Variants in ZZEF1 observed in about 807,000 individuals in gnomAD.
The protein encoded by ZZEF1 is zinc finger ZZ-type and EF-hand domain containing 1, also known as zinc finger ZZ-type and EF-hand domain-containing protein 1.
Under a neutral mutation model 342.8 loss-of-function variants are expected in ZZEF1, and 157 were observed. That is an observed-to-expected ratio of 0.46 (90% confidence interval 0.40 to 0.52). ZZEF1 has a LOEUF of 0.52. ZZEF1 is among the 20% of genes least tolerant of loss of function. ZZEF1 has a pLI of 0.00. For missense variants in ZZEF1, 3,480 were observed against 3,725.6 expected (o/e 0.93, Z 1.72); for synonymous variants, 1,505 against 1,429.1 (o/e 1.05, Z -1.20).
intron 37 of ZZEF1, among the ~76,000 whole-genome samples, chr17:4,046,152 C>A (rs1407400857): frequency 6.6e-6 from 1 of 152,132 alleles, no homozygotes; most frequent in Admixed American, 6.5e-5. Context: ...ACAGAATAAA[C>A]ATACCTTTGA....
At chr17:4,009,243 G>C (rs550319352) in intron 53 of ZZEF1, 165 of 562,604 alleles carry the variant, frequency 2.9e-4, no homozygotes, top group African/African-American at 2.8e-3. Flanking sequence ...AACTCTGAAA[G>C]GCCCTTTCAG....
chr17:4,109,671 G>A lies in ZZEF1; in HGVS notation c.1259C>T (p.Thr420Ile). Reference protein sequence around the residue: ...SMETNPAFVQTVLHNTQKALR... With the variant: ...SMETNPAFVQIVLHNTQKALR... Reference sequence around the variant, plus strand: ...GACTTACTGAGTATTGTGCAGCACTGTCTGGACAAAGGCGGGATTTGTCTC... The same window carrying A: ...GACTTACTGAGTATTGTGCAGCACTATCTGGACAAAGGCGGGATTTGTCTC... Residue 420 changes from threonine to isoleucine, a missense_variant, in exon 6 of 55, where the codon ACA becomes ATA. Transcript: ENST00000381638. 1.9e-6 allele frequency: 3 copies of A among 1,614,120 alleles called. No homozygotes were observed. Among genetic ancestry groups the A allele is most frequent in the Non-Finnish European group, 2.5e-6 (3 of 1,180,000 alleles).
In ZZEF1 at chr17:4,017,150, G is replaced by C. The variant is rs1243833330; in HGVS notation, c.8001+221C>G. On this transcript the variant is annotated intron_variant, in intron 48 of 54. Coordinates refer to ENST00000381638, the MANE Select transcript of ZZEF1 (RefSeq NM_015113.4). The surrounding 1 kb of genome is among the most constrained non-coding windows in gnomAD (Gnocchi z 5.1). The stretch of plus-strand genomic sequence containing the variant: ...TGGAAACTGGGAAGATGGCGACAAA[G>C]CTTTCTGGTTCAGCTGGAAATCGCG... 1 of 582,722 alleles carries C rather than the reference G, an allele frequency of 1.7e-6. No homozygotes were observed. The highest frequency in any genetic ancestry group is 2.9e-6 in the Non-Finnish European group (1 of 346,710). The allele number at this position is 582,722 out of a possible 1,614,324, so 36.1% of individuals were successfully genotyped here. A position where few individuals can be genotyped will look rare whatever the true frequency, so the allele number is the denominator to read the frequency against.
rs771222017 is a variant in ZZEF1 at position 4,082,430 on chromosome 17, A to C, written c.2714+7T>G. 1.6e-5 allele frequency: 26 copies of C among 1,613,752 alleles called. No individual in the cohort carries two copies. Among genetic ancestry groups the C allele is most frequent in the Admixed American group, 8.3e-5 (5 of 60,008 alleles). ...TATCCGACAATTAAAAAGAACGATCAGCTTACCTAAAATACGTGCACAGTG... is the reference window on the plus strand; with the variant it reads ...TATCCGACAATTAAAAAGAACGATCCGCTTACCTAAAATACGTGCACAGTG... On this transcript the variant is annotated splice_region_variant and intron_variant, in intron 17 of 54. Coordinates refer to ENST00000381638, the MANE Select transcript of ZZEF1 (RefSeq NM_015113.4).
intron 18 of ZZEF1, among the ~76,000 whole-genome samples, chr17:4,079,462 C>T (rs984646217): frequency 2.0e-5 from 3 of 151,910 alleles, no homozygotes; most frequent in African/African-American, 4.8e-5. Flanking sequence ...TAACTGGGGC[C>T]GAGAACACAT....
intron 42 of ZZEF1, among the ~76,000 whole-genome samples, chr17:4,029,005 C>T (rs1045611542): frequency 3.9e-5 from 6 of 152,154 alleles, no homozygotes; most frequent in Non-Finnish European, 8.8e-5. Flanking sequence ...GAGAAACATA[C>T]AATTACAGTT....
chr17:4,057,944 C>T (rs750974116), intron 32 of ZZEF1, 50 bp downstream of exon 32: 38 of 1,572,244 alleles, frequency 2.4e-5, no homozygotes, highest in South Asian at 6.9e-5. Flanking sequence ...ATGTTCCTTG[C>T]GTTTCATAAC....
In ZZEF1 at chr17:4,052,134, C is replaced by A. The variant is rs779721288; in HGVS notation, c.5437G>T (p.Gly1813Trp). ...MDLCKTCFLG[G>W]VKPEGHGDDH... ...TCTCCGTGGCCCTCAGGCTTCACCCCACCTGAGGAGAAACACAGCAGTGTG... is the reference window on the plus strand; with the variant it reads ...TCTCCGTGGCCCTCAGGCTTCACCCAACCTGAGGAGAAACACAGCAGTGTG... Residue 1813 changes from glycine (G) to tryptophan (W), a missense_variant and splice_region_variant, in exon 35 of 55, where the codon GGG (glycine) becomes TGG (tryptophan). Physicochemically the swap from Gly to Trp is radical, Grantham distance 184. This residue lies in a region of ZZEF1 where 175 missense variants were observed against 254.6 expected (regional missense o/e 0.69). Coordinates refer to ENST00000381638, the MANE Select transcript of ZZEF1 (RefSeq NM_015113.4). 2 of 1,610,302 alleles carry A rather than the reference C, an allele frequency of 1.2e-6. No individual in the cohort carries two copies. The highest frequency in any genetic ancestry group is 2.2e-5 in the East Asian group (1 of 44,700).
intron 42 of ZZEF1, among the ~76,000 whole-genome samples, chr17:4,027,237 A>G (rs1005052146): frequency 4.0e-5 from 6 of 149,688 alleles, no homozygotes; most frequent in African/African-American, 1.5e-4. Flanking sequence ...CTTGCCTCCC[A>G]AAGTGCTGAG....
chr17:4,039,024 C>A (rs1284677286), intron 39 of ZZEF1, among the ~76,000 whole-genome samples: 1 of 151,306 alleles, frequency 6.6e-6, no homozygotes, highest in Non-Finnish European at 1.5e-5. Flanking sequence ...AATAATTTGC[C>A]CTCCAAAGTG....
chr17:4,104,683 G>A lies in ZZEF1; in HGVS notation c.1523C>T (p.Ser508Phe). 1.2e-6 allele frequency: 2 copies of A among 1,614,136 alleles called. No individual in the cohort carries two copies. The highest frequency in any genetic ancestry group is 1.7e-6 in the Non-Finnish European group (2 of 1,180,016). The change falls in exon 8 of 55, where the codon TCC becomes TTC. Residue 508 changes from serine to phenylalanine, a missense_variant. By Grantham distance (155) the Ser-to-Phe change is radical. Around this residue, in one of 5 missense-constraint regions of ZZEF1, gnomAD observed 1,528 missense variants for 1,624.1 expected, o/e 0.94. Coordinates refer to ENST00000381638, the MANE Select transcript of ZZEF1 (RefSeq NM_015113.4). ...GACTGACGCCATGGACAAGATGAGGGATGAGGCATCATACTGCGTGTCCAG... is the reference window on the plus strand; with the variant it reads ...GACTGACGCCATGGACAAGATGAGGAATGAGGCATCATACTGCGTGTCCAG... ...DHLDTQYDAS[S>F]LILSMASVRQ...
At chr17:4,132,922 C>T (rs1027875610) in intron 1 of ZZEF1, among the ~76,000 whole-genome samples, 5 of 152,078 alleles carry the variant, frequency 3.3e-5, no homozygotes, top group East Asian at 3.9e-4. Flanking sequence ...GCTGAGATCA[C>T]GCCACTGCAG....
intron 39 of ZZEF1, among the ~76,000 whole-genome samples, chr17:4,035,775 G>A (rs1403094043): frequency 2.0e-5 from 3 of 152,196 alleles, no homozygotes; most frequent in Admixed American, 6.5e-5. Flanking sequence ...CTCACTGCAA[G>A]GGGGCAACCT....
rs182637699 is a variant in ZZEF1, at chr17:4,140,424, C to G, written c.354+2118G>C. 6.6e-5 allele frequency among the ~76,000 whole-genome samples: 10 copies of G among 152,290 alleles called. No individual in the cohort carries two copies. In the East Asian group the frequency reaches 1.5e-3, roughly 23 times the overall value. ...TGAGCCCCAAGTGAGGTTAAATACA[C>G]TTGCTATTTATTCCTTATACCTTCC... On this transcript the variant is annotated intron_variant, in intron 1 of 54. Coordinates refer to ENST00000381638, the MANE Select transcript of ZZEF1 (RefSeq NM_015113.4).
intron 38 of ZZEF1, among the ~76,000 whole-genome samples, chr17:4,043,532 C>A (rs946053139): frequency 1.3e-5 from 2 of 152,192 alleles, no homozygotes; most frequent in African/African-American, 4.8e-5. Flanking sequence ...TGGGACTTGC[C>A]TCCAGTCTCC....
At chr17:4,042,403 C>A (rs756647329) in intron 39 of ZZEF1, 26 bp downstream of exon 39, 2 of 1,599,916 alleles carry the variant, frequency 1.3e-6, no homozygotes, top group African/African-American at 1.3e-5. Flanking sequence ...CCACCACCCC[C>A]ACTTTTAAAA....
rs557525632 is a variant in ZZEF1, at chr17:4,114,824, A to C, written c.695-354T>G. Among the ~76,000 whole-genome samples, 37 of 152,336 alleles carry C rather than the reference A, an allele frequency of 2.4e-4. No homozygotes were observed. In the South Asian group the frequency reaches 7.7e-3, roughly 32 times the overall value. On this transcript the variant is annotated intron_variant, in intron 3 of 54. Coordinates refer to ENST00000381638, the MANE Select transcript of ZZEF1 (RefSeq NM_015113.4). ...AAAACCATGCCGAGAAGAAAATGGT[A>C]AATTACGGTTTGAATTTACATTTTT...
intron 21 of ZZEF1, 29 bp downstream of exon 21, chr17:4,076,608 G>C: frequency 5.6e-6 from 9 of 1,592,944 alleles, no homozygotes; most frequent in Non-Finnish European, 7.7e-6. Flanking sequence ...GAGAGAACAC[G>C]GGGCGGCTCA....
At chr17:4,118,751 T>C (rs2058437607) in intron 2 of ZZEF1, among the ~76,000 whole-genome samples, 1 of 152,218 alleles carries the variant, frequency 6.6e-6, no homozygotes, top group Non-Finnish European at 1.5e-5. Flanking sequence ...ATCCTTTATC[T>C]TAGAAAGAAT....
Sources: allele counts gnomAD v4.1 joint callset (sites outside exome capture counted in the v4.1 genomes callset), GRCh38; gene constraint gnomAD v4.1.1; regional missense constraint gnomAD v4.1.1; non-coding constraint Gnocchi (gnomAD v3.1); transcripts MANE v1.5; gene names NCBI Gene and HGNC (gene_info 2026-07-23, HGNC 2026-07-21).